DOK6: variants seen among roughly 807,000 people sequenced by gnomAD.
DOK6 encodes downstream of tyrosine kinase 6.
A neutral mutation model predicts 44.0 loss-of-function variants in DOK6; 22 were observed. The ratio of observed to expected loss-of-function variants is 0.50; its 90% CI spans 0.36 to 0.71. The LOEUF (loss-of-function observed/expected upper bound fraction) is 0.71, where lower values mean the gene tolerates loss of function less well. Ranked by LOEUF, DOK6 falls within the 30% of genes least tolerant of loss-of-function variation. The pLI is 0.00. For missense variants in DOK6, 340 were observed against 416.4 expected, an observed-to-expected ratio of 0.82 and a Z score of 1.60; for synonymous variants, 166 against 145.5, an observed-to-expected ratio of 1.14 and a Z score of -1.01.
At chr18:69,733,156 C>G (rs1305693210) in intron 5 of DOK6, among the ~76,000 whole-genome samples, 1 of 151,670 alleles carries the variant, frequency 6.6e-6, no homozygotes. Flanking sequence ...CCTCTGCGCT[C>G]CAGCCTGGGT....
intron 3 of DOK6, among the ~76,000 whole-genome samples, chr18:69,624,930 A>G (rs1018654328): frequency 3.3e-5 from 5 of 152,130 alleles, no homozygotes; most frequent in Non-Finnish European, 5.9e-5. Flanking sequence ...ACATTATTTT[A>G]AAGTTCCTGT....
In DOK6 at chr18:69,477,027, AC is replaced by A. The variant is rs1463747799; in HGVS notation, c.66+75721del. Among the ~76,000 whole-genome samples the A allele has an allele frequency of 7.2e-5, 11 of 152,286 alleles. No individual in the cohort carries two copies. In the East Asian group the frequency reaches 9.6e-4, roughly 13 times the overall value. On this transcript the variant is annotated intron_variant, in intron 1 of 7. Coordinates refer to ENST00000382713, the MANE Select transcript of DOK6 (RefSeq NM_152721.6). ...CTTAATTCTGTGAGTGCTGTGCACA[AC>A]CCCATCACTGAATTTATTTATAAAA...
chr18:69,437,944 AC>A (rs1979028793), intron 1 of DOK6, among the ~76,000 whole-genome samples: 5 of 152,188 alleles, frequency 3.3e-5, no homozygotes, highest in Admixed American at 3.3e-4. Context: ...TGTCTGAAAA[AC>A]AATGTAATTC....
chr18:69,779,453 TACACACACAC>T (rs36016822), intron 7 of DOK6, among the ~76,000 whole-genome samples: 1 of 148,914 alleles, frequency 6.7e-6, no homozygotes, highest in Non-Finnish European at 1.5e-5. Context: ...ACACACAGTC[TACACACACAC>T]ACACACACAC....
intron 1 of DOK6, among the ~76,000 whole-genome samples, chr18:69,480,266 T>C (rs190768038): frequency 4.1e-4 from 63 of 152,244 alleles, no homozygotes; most frequent in African/African-American, 1.5e-3. Context: ...TAATAAATGA[T>C]ACATGTGGGA....
At chr18:69,812,313 G>A (rs1473544669) in intron 7 of DOK6, among the ~76,000 whole-genome samples, 1 of 152,078 alleles carries the variant, frequency 6.6e-6, no homozygotes, top group Non-Finnish European at 1.5e-5. Flanking sequence ...AGTTAATAGG[G>A]AATATAGTGA....
chr18:69,690,343 T>C (rs1986237758), intron 4 of DOK6, among the ~76,000 whole-genome samples: 1 of 152,140 alleles, frequency 6.6e-6, no homozygotes, highest in African/African-American at 2.4e-5. Context: ...AGTTCTGTGG[T>C]GGAGATGGAG....
intron 1 of DOK6, among the ~76,000 whole-genome samples, chr18:69,515,401 C>T (rs1238087561): frequency 6.6e-6 from 1 of 152,192 alleles, no homozygotes; most frequent in Admixed American, 6.5e-5. Context: ...CCAATATTCA[C>T]TAGATAACCT....
At chr18:69,779,918 T>C (rs1472949004) in intron 7 of DOK6, among the ~76,000 whole-genome samples, 1 of 152,078 alleles carries the variant, frequency 6.6e-6, no homozygotes, top group African/African-American at 2.4e-5. Flanking sequence ...TTTTCACAGT[T>C]TCATGAAAAA....
intron 4 of DOK6, among the ~76,000 whole-genome samples, chr18:69,687,865 T>C (rs1032069960): frequency 2.0e-5 from 3 of 152,148 alleles, no homozygotes; most frequent in Non-Finnish European, 4.4e-5. Context: ...AAAGTCTTTA[T>C]GTAATATGAC....
At chr18:69,403,449 C>G (rs1916140652) in intron 1 of DOK6, among the ~76,000 whole-genome samples, 1 of 152,182 alleles carries the variant, frequency 6.6e-6, no homozygotes. Context: ...CTTACAAAGC[C>G]TCTTTTGCTG....
At chr18:69,684,864 C>T (rs1243770016) in intron 4 of DOK6, among the ~76,000 whole-genome samples, 3 of 152,094 alleles carry the variant, frequency 2.0e-5, no homozygotes, top group Non-Finnish European at 4.4e-5. Context: ...CTCAACTTTT[C>T]CTTAGTTACA....
chr18:69,682,847 TC>T (rs982115788), intron 4 of DOK6, among the ~76,000 whole-genome samples: 2 of 152,224 alleles, frequency 1.3e-5, no homozygotes, highest in African/African-American at 4.8e-5. Flanking sequence ...GCTTACACTT[TC>T]CTTTTTATAA....
At chr18:69,763,894 T>C (rs1014783295) in intron 7 of DOK6, among the ~76,000 whole-genome samples, 5 of 152,210 alleles carry the variant, frequency 3.3e-5, no homozygotes, top group Admixed American at 6.5e-5. Context: ...GAATTAGCAA[T>C]GCATTATAAA....
chr18:69,724,533 G>T (rs1196147296), intron 5 of DOK6, among the ~76,000 whole-genome samples: 2 of 152,174 alleles, frequency 1.3e-5, no homozygotes, highest in African/African-American at 2.4e-5. Context: ...TTCCCATTAG[G>T]TCTCAAGGGT....
At chr18:69,475,775 G>GA (rs541077494) in intron 1 of DOK6, among the ~76,000 whole-genome samples, 6 of 151,266 alleles carry the variant, frequency 4.0e-5, no homozygotes, top group Non-Finnish European at 7.4e-5. Flanking sequence ...GCTTTCACTA[G>GA]AAAAAAAAAT....
At chr18:69,562,443 G>A (rs896414884) in intron 1 of DOK6, among the ~76,000 whole-genome samples, 1 of 152,198 alleles carries the variant, frequency 6.6e-6, no homozygotes, top group African/African-American at 2.4e-5. Context: ...TAGCCTTGCA[G>A]TATAGTTTGA....
At chr18:69,496,468 C>T (rs1980893856) in intron 1 of DOK6, among the ~76,000 whole-genome samples, 1 of 152,222 alleles carries the variant, frequency 6.6e-6, no homozygotes, top group Non-Finnish European at 1.5e-5. Flanking sequence ...TCCAGACAGC[C>T]GCTGCTGCCA....
intron 1 of DOK6, among the ~76,000 whole-genome samples, chr18:69,524,727 A>G (rs1981782580): frequency 6.6e-6 from 1 of 151,990 alleles, no homozygotes; most frequent in Admixed American, 6.6e-5. Context: ...AATGATTTTT[A>G]TTAATATGTG....
Sources: allele counts gnomAD v4.1 joint callset (sites outside exome capture counted in the v4.1 genomes callset), GRCh38; gene constraint gnomAD v4.1.1; transcripts MANE v1.5; gene names NCBI Gene and HGNC (gene_info 2026-07-23, HGNC 2026-07-21).